ZNF536: variants seen among roughly 807,000 people sequenced by gnomAD.
ZNF536 encodes the protein zinc finger protein 536.
Under a neutral mutation model 84.5 loss-of-function variants are expected in ZNF536, and 13 were observed. The observed-to-expected ratio is 0.15, with a 90% CI of 0.10 to 0.24. The LOEUF is 0.24. ZNF536 is among the 10% of genes least tolerant of loss of function. The pLI is 1.00. For synonymous variants in ZNF536, 811 were observed against 742.5 expected, an observed-to-expected ratio of 1.09 and a Z score of -1.50; for missense variants, 1,536 against 1,747.5, an observed-to-expected ratio of 0.88 and a Z score of 2.16.
At chr19:30,345,058 A>G (rs1052402552) in intron 2 of ZNF536, among the ~76,000 whole-genome samples, 1 of 152,232 alleles carries the variant, frequency 6.6e-6, no homozygotes, top group Non-Finnish European at 1.5e-5. Context: ...TACCAGGCAT[A>G]TTATTTTTCT....
chr19:30,495,411 CA>C (rs1445677599), intron 2 of ZNF536, among the ~76,000 whole-genome samples: 1 of 152,158 alleles, frequency 6.6e-6, no homozygotes, highest in Non-Finnish European at 1.5e-5. Context: ...AATGAATGAA[CA>C]GACAAGTGTA....
In ZNF536 at chr19:30,512,336, T is replaced by C. The variant is rs2055447635; in HGVS notation, c.2171-22511T>C. 3.9e-5 allele frequency among the ~76,000 whole-genome samples: 6 copies of C among 152,294 alleles called. No individual in the cohort carries two copies. The South Asian group carries it at 1.2e-3, about 32-fold the overall frequency. ...TTAATTGACTTGGAAATGGCCCAAA[T>C]GTATTGCTGAATGCAGTCTAATTAA... On this transcript the variant is annotated intron_variant, in intron 2 of 4. Transcript: ENST00000355537.
intron 1 of ZNF536, among the ~76,000 whole-genome samples, chr19:30,389,036 T>G (rs2049467456): frequency 6.6e-6 from 1 of 152,180 alleles, no homozygotes. Flanking sequence ...ATGCCCCATC[T>G]CTCTTGATTT....
In ZNF536 at chr19:30,685,306, C is replaced by T. The variant is rs566542649; in HGVS notation, c.170-25451C>T. Among the ~76,000 whole-genome samples, 4 of 152,258 alleles carry T rather than the reference C, an allele frequency of 2.6e-5. No homozygotes were observed. The South Asian group carries it at 6.2e-4, about 24-fold the overall frequency. On this transcript the variant is annotated intron_variant, in intron 1 of 1. Transcript: ENST00000592773. ...AGTAGGGGGCTTTAGAACAAGTCCTCGAGGTAGCCCCATCTGAGCTGATGG... is the reference window on the plus strand; with the variant it reads ...AGTAGGGGGCTTTAGAACAAGTCCTTGAGGTAGCCCCATCTGAGCTGATGG...
At chr19:30,308,059 G>A (rs1419974104) in intron 2 of ZNF536, among the ~76,000 whole-genome samples, 1 of 152,230 alleles carries the variant, frequency 6.6e-6, no homozygotes, top group Non-Finnish European at 1.5e-5. Flanking sequence ...GCTAAGGCCT[G>A]TATTAACAAG....
intron 2 of ZNF536, among the ~76,000 whole-genome samples, chr19:30,336,944 A>T (rs2047401690): frequency 6.6e-6 from 1 of 152,154 alleles, no homozygotes; most frequent in Non-Finnish European, 1.5e-5. Context: ...AGCCTGACCC[A>T]CTGGCAATTT....
At chr19:30,351,351 T>C (rs919306076) in intron 2 of ZNF536, among the ~76,000 whole-genome samples, 1 of 152,180 alleles carries the variant, frequency 6.6e-6, no homozygotes, top group Non-Finnish European at 1.5e-5. Flanking sequence ...AGAATGCACT[T>C]TTTGGACAAT....
chr19:30,573,830 A>G (rs1166234761), intron 1 of ZNF536, among the ~76,000 whole-genome samples: 1 of 152,160 alleles, frequency 6.6e-6, no homozygotes, highest in African/African-American at 2.4e-5. Flanking sequence ...TGCACCATGA[A>G]GTTTCACTCC....
rs552065926 is a variant in ZNF536 at position 30,408,122 on chromosome 19, G to A, written c.-2-35439G>A. Among the ~76,000 whole-genome samples, 4 of 152,278 alleles carry A rather than the reference G, an allele frequency of 2.6e-5. 1 individual carries two copies. In the South Asian group the frequency reaches 8.3e-4, roughly 32 times the overall value. The stretch of plus-strand genomic sequence containing the variant: ...AGATGGGCTGTGTTTCTTTTTGTGT[G>A]AGTGGATGCATGTACCTGTGCACGA... On this transcript the variant is annotated intron_variant, in intron 1 of 4. Coordinates refer to ENST00000355537, the MANE Select transcript of ZNF536 (RefSeq NM_014717.3).
intron 1 of ZNF536, among the ~76,000 whole-genome samples, chr19:30,619,111 C>A (rs1406742224): frequency 1.3e-5 from 2 of 152,238 alleles, no homozygotes; most frequent in East Asian, 3.9e-4. Context: ...TCATCCCTAA[C>A]CCCCCATTTT....
chr19:30,454,100 T>C (rs1005694315), intron 2 of ZNF536, among the ~76,000 whole-genome samples: 1 of 152,232 alleles, frequency 6.6e-6, no homozygotes, highest in African/African-American at 2.4e-5. Flanking sequence ...ATTTTCCAGC[T>C]TTTCTTGCAA....
chr19:30,569,268 C>G (rs11668376), intron 1 of ZNF536, among the ~76,000 whole-genome samples: 52,137 of 151,900 alleles, frequency 0.34, 8,979 homozygotes, highest in East Asian at 0.42. Context: ...TAGAAGACCC[C>G]ATAGCCATTT....
chr19:30,239,248 A>G (rs1032080849), intron 1 of ZNF536, among the ~76,000 whole-genome samples: 1 of 152,222 alleles, frequency 6.6e-6, no homozygotes, highest in Non-Finnish European at 1.5e-5. Context: ...AGTGCCTATT[A>G]GACAGGTGGC....
At chr19:30,535,577 G>A (rs1220854649) in intron 3 of ZNF536, among the ~76,000 whole-genome samples, 1 of 152,074 alleles carries the variant, frequency 6.6e-6, no homozygotes, top group Admixed American at 6.5e-5. Context: ...TAGGCAAAGG[G>A]GGGCAAGTGG....
At chr19:30,308,938 C>A (rs761347195) in intron 2 of ZNF536, among the ~76,000 whole-genome samples, 1 of 152,080 alleles carries the variant, frequency 6.6e-6, no homozygotes, top group African/African-American at 2.4e-5. Flanking sequence ...CAGTGTGATT[C>A]GTGGCGTCCC....
intron 3 of ZNF536, among the ~76,000 whole-genome samples, chr19:30,537,162 C>G (rs997603181): frequency 6.6e-6 from 1 of 152,238 alleles, no homozygotes; most frequent in Non-Finnish European, 1.5e-5. Flanking sequence ...CAGGTAGGCA[C>G]TCAGAAAGTA....
intron 1 of ZNF536, among the ~76,000 whole-genome samples, chr19:30,633,442 A>G (rs1285421235): frequency 3.3e-5 from 5 of 152,204 alleles, no homozygotes; most frequent in Non-Finnish European, 5.9e-5. Flanking sequence ...ACTCTCTGGT[A>G]ATATTGAAAT....
chr19:30,406,429 C>T (rs774135201), intron 1 of ZNF536, among the ~76,000 whole-genome samples: 2 of 152,068 alleles, frequency 1.3e-5, no homozygotes, highest in South Asian at 2.1e-4. Context: ...AAATCCACAC[C>T]GCTTTACTCC....
At chr19:30,401,805 A>G (rs1483331937) in intron 1 of ZNF536, among the ~76,000 whole-genome samples, 1 of 152,216 alleles carries the variant, frequency 6.6e-6, no homozygotes, top group Non-Finnish European at 1.5e-5. Flanking sequence ...AGTTTTAGTA[A>G]AGGACTTCAA....
Sources: gnomAD v4.1 joint callset for allele counts (sites outside exome capture counted in the v4.1 genomes callset) on GRCh38, gnomAD v4.1.1 for gene constraint, MANE v1.5 for transcripts, NCBI Gene and HGNC (gene_info 2026-07-23, HGNC 2026-07-21) for gene names.